Variants in TAFA5 observed in about 807,000 individuals in gnomAD.
The protein encoded by TAFA5 is TAFA chemokine like family member 5.
A neutral mutation model predicts 15.3 loss-of-function variants in TAFA5; 6 were observed. The ratio of observed to expected loss-of-function variants is 0.39; its 90% CI spans 0.21 to 0.77. TAFA5 has a LOEUF of 0.77. Among genes scored for constraint, TAFA5 ranks in the 30% least tolerant of loss-of-function variants. The probability of loss-of-function intolerance (pLI) is 0.41; values close to 1 mark genes in which losing one functional copy is unlikely to be tolerated. For missense variants in TAFA5, 161 were observed against 193.1 expected (o/e 0.83, Z 0.98); for synonymous variants, 103 against 80.7 (o/e 1.28, Z -1.48).
At chr22:48,616,294 G>A (rs138913959) in intron 1 of TAFA5, among the ~76,000 whole-genome samples, 12 of 152,270 alleles carry the variant, frequency 7.9e-5, no homozygotes, top group East Asian at 3.9e-4. Context: ...TAACCCCGCC[G>A]TGCTGATTTT....
intron 1 of TAFA5, among the ~76,000 whole-genome samples, chr22:48,607,250 C>G (rs28594902): frequency 0.056 from 4,297 of 76,226 alleles, 60 homozygotes; most frequent in Middle Eastern, 0.089. Context: ...TCTGATTAGG[C>G]CTGGCCCACC....
chr22:48,572,425 G>T (rs1396597903), intron 1 of TAFA5, among the ~76,000 whole-genome samples: 1 of 152,244 alleles, frequency 6.6e-6, no homozygotes, highest in Non-Finnish European at 1.5e-5. Flanking sequence ...CCCCACATTT[G>T]CTGGTGCTGG....
At chr22:48,725,327 A>C (rs1444862774) in intron 3 of TAFA5, among the ~76,000 whole-genome samples, 1 of 152,220 alleles carries the variant, frequency 6.6e-6, no homozygotes, top group Admixed American at 6.5e-5. Context: ...CTCAAAGTCA[A>C]AACTCAAGTA....
At chr22:48,545,076 A>C in intron 1 of TAFA5, 1 of 357,324 alleles carries the variant, frequency 2.8e-6, no homozygotes, top group South Asian at 2.1e-5. Flanking sequence ...GACTTTCACC[A>C]TCTCCAGATG....
At chr22:48,585,790 CCT>C (rs1400118685) in intron 1 of TAFA5, among the ~76,000 whole-genome samples, 1 of 152,002 alleles carries the variant, frequency 6.6e-6, no homozygotes, top group Admixed American at 6.6e-5. Flanking sequence ...CCACACATAC[CCT>C]GTGAAGGCCA....
At chr22:48,616,450 G>T (rs1925608231) in intron 1 of TAFA5, among the ~76,000 whole-genome samples, 1 of 152,174 alleles carries the variant, frequency 6.6e-6, no homozygotes, top group African/African-American at 2.4e-5. Flanking sequence ...CTAATGCATG[G>T]GATCAGGTGC....
chr22:48,644,346 C>T (rs1428167247), intron 1 of TAFA5, among the ~76,000 whole-genome samples: 1 of 152,222 alleles, frequency 6.6e-6, no homozygotes, highest in East Asian at 1.9e-4. Context: ...ATGCCACCCC[C>T]TCCCCGCAGC....
At chr22:48,685,839 ATCCT>A (rs1040373243) in intron 2 of TAFA5, among the ~76,000 whole-genome samples, 7 of 152,146 alleles carry the variant, frequency 4.6e-5, no homozygotes, top group Non-Finnish European at 8.8e-5. Context: ...ACCACTGGTC[ATCCT>A]TCCTTGTGGT....
chr22:48,550,160 C>T lies in TAFA5; in HGVS notation c.112+60456C>T, dbSNP rs1922809606. On this transcript the variant is annotated intron_variant, in intron 1 of 3. Transcript: ENST00000402357. The surrounding 1 kb of genome is among the most constrained non-coding windows in gnomAD (Gnocchi z 4.1). ...GTGTAGCAGCCTGTGTGTGTCCACCCGAGGTGGCCCTGCCCTGTTTCCACA... is the reference window on the plus strand; with the variant it reads ...GTGTAGCAGCCTGTGTGTGTCCACCTGAGGTGGCCCTGCCCTGTTTCCACA... Among the ~76,000 whole-genome samples, 1 of 152,326 alleles carries T rather than the reference C, an allele frequency of 6.6e-6. No homozygotes were observed. Among genetic ancestry groups the T allele is most frequent in the African/African-American group, 2.4e-5 (1 of 41,576 alleles).
intron 3 of TAFA5, among the ~76,000 whole-genome samples, chr22:48,714,261 G>A (rs1929339740): frequency 6.6e-6 from 1 of 152,228 alleles, no homozygotes; most frequent in Non-Finnish European, 1.5e-5. Flanking sequence ...CACGAAAGGG[G>A]GAAAATGGCC....
intron 3 of TAFA5, 74 bp from the exon 4 acceptor site, chr22:48,749,747 CAGGAGCCGGGGAGGGAAG>C: frequency 2.8e-6 from 4 of 1,451,896 alleles, no homozygotes; most frequent in Non-Finnish European, 3.8e-6. Context: ...GGCCGGCTGG[CAGGAGCCGGGGAGGGAAG>C]AGGAGCCTGT....
intron 1 of TAFA5, among the ~76,000 whole-genome samples, chr22:48,626,219 G>A (rs1926021644): frequency 6.6e-6 from 1 of 152,214 alleles, no homozygotes; most frequent in Non-Finnish European, 1.5e-5. Context: ...CTAGGAGTGT[G>A]ATTTTGGGAT....
At chr22:48,621,753 A>C (rs1925845947) in intron 1 of TAFA5, among the ~76,000 whole-genome samples, 1 of 152,104 alleles carries the variant, frequency 6.6e-6, no homozygotes, top group South Asian at 2.1e-4. Flanking sequence ...AGACCTTGCA[A>C]ACATACATGT....
At chr22:48,491,093 C>G (rs567397608) in intron 1 of TAFA5, among the ~76,000 whole-genome samples, 22 of 152,330 alleles carry the variant, frequency 1.4e-4, no homozygotes, top group Admixed American at 2.0e-4. Flanking sequence ...GGGTCTCAAC[C>G]CGAGCTGCCC....
chr22:48,603,638 G>C (rs1297265652), intron 1 of TAFA5, among the ~76,000 whole-genome samples: 4 of 152,204 alleles, frequency 2.6e-5, no homozygotes, highest in Admixed American at 2.0e-4. Context: ...GCGCTGAGCC[G>C]AAGGGCAGGC....
chr22:48,616,683 ACTT>A (rs1198777467), intron 1 of TAFA5, among the ~76,000 whole-genome samples: 2 of 151,332 alleles, frequency 1.3e-5, no homozygotes, highest in East Asian at 3.9e-4. Context: ...GAAGCCCAAA[ACTT>A]CTTCCTGCCT....
chr22:48,642,202 C>T (rs1187439204), intron 1 of TAFA5, among the ~76,000 whole-genome samples: 1 of 152,176 alleles, frequency 6.6e-6, no homozygotes, highest in East Asian at 1.9e-4. Context: ...GCTGAGGGTG[C>T]CAAGCCCTGT....
chr22:48,567,668 C>T (rs1489376597), intron 1 of TAFA5, among the ~76,000 whole-genome samples: 1 of 152,180 alleles, frequency 6.6e-6, no homozygotes, highest in African/African-American at 2.4e-5. Context: ...TCACTCAGAA[C>T]TCACCAGCTG....
intron 2 of TAFA5, among the ~76,000 whole-genome samples, chr22:48,697,348 G>A (rs11204504): frequency 0.34 from 48,904 of 142,678 alleles, 8,504 homozygotes; most frequent in South Asian, 0.57. Context: ...TGGTGATGAT[G>A]ATGATGATGA....
Sources: allele counts gnomAD v4.1 joint callset (sites outside exome capture counted in the v4.1 genomes callset), GRCh38; gene constraint gnomAD v4.1.1; non-coding constraint Gnocchi (gnomAD v3.1); transcripts MANE v1.5; gene names NCBI Gene and HGNC (gene_info 2026-07-23, HGNC 2026-07-21).